Variants in KANSL3 observed in about 807,000 individuals in gnomAD.
KANSL3 encodes NSL complex protein NSL3.
In KANSL3, 16 loss-of-function variants were observed where a neutral mutation model predicts 89.2. That is an observed-to-expected ratio of 0.18 (90% CI 0.12 to 0.27). The LOEUF is 0.27. Among genes scored for constraint, KANSL3 ranks in the 10% least tolerant of loss-of-function variants. The probability of loss-of-function intolerance (pLI) is 1.00; values close to 1 mark genes in which losing one functional copy is unlikely to be tolerated. For synonymous variants in KANSL3, 385 were observed against 419.7 expected (o/e 0.92, Z 1.01); for missense variants, 879 against 1,110.6 (o/e 0.79, Z 2.96).
intron 15 of KANSL3, 131 bp from the exon 16 acceptor site, chr2:96,604,994 A>C (rs2067763653): frequency 1.4e-6 from 1 of 696,256 alleles, no homozygotes; most frequent in Non-Finnish European, 2.4e-6. Flanking sequence ...GAACTATGCT[A>C]GAGTAGGGAG....
At chr2:96,620,807 A>C (rs571506670) in intron 3 of KANSL3, among the ~76,000 whole-genome samples, 1 of 152,082 alleles carries the variant, frequency 6.6e-6, no homozygotes, top group African/African-American at 2.4e-5. Context: ...ATTCAAGACC[A>C]GTCTGTGCAA....
intron 5 of KANSL3, chr2:96,615,165 C>CAAAAAAAATAAA (rs2069777076): frequency 1.2e-5 from 1 of 83,044 alleles, no homozygotes; most frequent in African/African-American, 6.3e-5. Context: ...GAGACTGTCT[C>CAAAAAAAATAAA]AAAAAAAAAA....
chr2:96,607,549 G>A (rs1284244438), intron 14 of KANSL3, among the ~76,000 whole-genome samples: 1 of 152,160 alleles, frequency 6.6e-6, no homozygotes, highest in Non-Finnish European at 1.5e-5. Flanking sequence ...CTTGGCTCTG[G>A]CCACCACTCA....
downstream of KANSL3, among the ~76,000 whole-genome samples, chr2:96,590,216 T>G (rs2066263158): frequency 6.6e-6 from 1 of 151,638 alleles, no homozygotes. Context: ...CTGGCAGGAA[T>G]GCCGAGAAAA....
chr2:96,595,468 G>A lies in KANSL3; in HGVS notation c.*143C>T, dbSNP rs1202305696. On this transcript the variant is annotated 3_prime_UTR_variant, in exon 21 of 21. Transcript: ENST00000431828. ...CACCTAACCTAATGGTTTCTCTGAA[G>A]ACAGTTGGCGGAGAGGCAAAAATGA... 2.5e-5 allele frequency: 18 copies of A among 713,358 alleles called. No individual in the cohort carries two copies. The highest frequency in any genetic ancestry group is 3.9e-5 in the Non-Finnish European group (17 of 430,696). The allele number at this position is 713,358 out of a possible 1,614,324, so 44.2% of individuals were successfully genotyped here.
rs781660331 is a variant in KANSL3, at chr2:96,631,303, G to A, written c.386+9C>T. 1.9e-6 allele frequency: 3 copies of A among 1,589,674 alleles called. No individual in the cohort carries two copies. The highest frequency in any genetic ancestry group is 2.7e-5 in the African/African-American group (2 of 74,470). ...AGGGCAGTGATCATCCTCCTGATGA[G>A]CAGCCTACCTGTTGACATGCTCCTC... On this transcript the variant is annotated intron_variant, in intron 3 of 20. Coordinates refer to ENST00000431828, the MANE Select transcript of KANSL3 (RefSeq NM_001115016.3).
At chr2:96,630,467 T>C (rs2073181224) in intron 3 of KANSL3, among the ~76,000 whole-genome samples, 1 of 152,188 alleles carries the variant, frequency 6.6e-6, no homozygotes, top group African/African-American at 2.4e-5. Flanking sequence ...ATGTCCAGAA[T>C]AGGCAAATCT....
chr2:96,592,352 T>C (rs1440308907), downstream of KANSL3, among the ~76,000 whole-genome samples: 1 of 152,212 alleles, frequency 6.6e-6, no homozygotes, highest in Non-Finnish European at 1.5e-5. Context: ...TTCATTCATC[T>C]CTAAATCTTT....
intron 2 of KANSL3, among the ~76,000 whole-genome samples, chr2:96,633,266 T>A (rs1283204891): frequency 1.3e-5 from 2 of 149,668 alleles, no homozygotes; most frequent in East Asian, 2.0e-4. Flanking sequence ...AAAAAAAAAA[T>A]TTAAATAGAA....
At chr2:96,583,750 A>G in the KANSL3 span, among the ~76,000 whole-genome samples, 206 of 152,348 alleles carry the variant, frequency 1.4e-3, no homozygotes, top group Middle Eastern at 0.014. Flanking sequence ...TTGTGGACGT[A>G]AGTTATCATT....
chr2:96,586,900 A>C, the KANSL3 span, among the ~76,000 whole-genome samples: 4 of 152,218 alleles, frequency 2.6e-5, no homozygotes, highest in Non-Finnish European at 1.5e-5. Context: ...TTTATCCCAT[A>C]ATTACCTTGT....
chr2:96,612,961 A>T (rs1257254500), intron 6 of KANSL3, 27 bp from the exon 7 acceptor site: 10 of 1,447,408 alleles, frequency 6.9e-6, no homozygotes, highest in African/African-American at 1.4e-5. Flanking sequence ...CCACCCAAAA[A>T]CCAGTGAGTG....
intron 3 of KANSL3, among the ~76,000 whole-genome samples, chr2:96,620,271 A>G: frequency 6.6e-6 from 1 of 152,224 alleles, no homozygotes; most frequent in South Asian, 2.1e-4. Flanking sequence ...AATATAACCA[A>G]TAAAGAGGCT....
intron 9 of KANSL3, among the ~76,000 whole-genome samples, chr2:96,611,919 G>GTGTGTGTGTGTC (rs1035303750): frequency 6.7e-6 from 1 of 149,652 alleles, no homozygotes; most frequent in African/African-American, 2.5e-5. Context: ...GTGTGTGTGT[G>GTGTGTGTGTGTC]TGTGTGTGTG....
intron 9 of KANSL3, among the ~76,000 whole-genome samples, chr2:96,611,901 A>ATGTGTG (rs1491403979): frequency 2.4e-3 from 76 of 31,764 alleles, no homozygotes; most frequent in African/African-American, 0.015. Flanking sequence ...ATATATACCC[A>ATGTGTG]TATGTGTGTG....
intron 3 of KANSL3, chr2:96,628,782 A>T (rs888278429): frequency 6.6e-6 from 1 of 152,302 alleles, no homozygotes; most frequent in African/African-American, 2.4e-5. Context: ...AAAAAAAAAA[A>T]AATCACACAG....
chr2:96,619,426 A>G lies in KANSL3; in HGVS notation c.596T>C (p.Leu199Pro), dbSNP rs2070831080. The G allele has an allele frequency of 6.2e-7, 1 of 1,613,794 alleles. No individual in the cohort carries two copies. The highest frequency in any genetic ancestry group is 1.7e-5 in the Admixed American group (1 of 60,002). The change falls in exon 5 of 21, where the codon CTT becomes CCT. Residue 199 changes from leucine to proline, a missense_variant. Transcript: ENST00000431828. ...TKLIQWLHTT[L>P]VETLSLPMLA... ...CATGGGCAGACTCAAGGTCTCCACA[A>G]GGGTGGTGTGCAGCCACTGGATCAG...
intron 5 of KANSL3, among the ~76,000 whole-genome samples, chr2:96,615,971 T>C (rs1391389814): frequency 6.6e-6 from 1 of 152,152 alleles, no homozygotes; most frequent in Non-Finnish European, 1.5e-5. Context: ...AAGAGGCAAT[T>C]TTCATCTAAA....
intron 3 of KANSL3, among the ~76,000 whole-genome samples, chr2:96,623,263 AGCAAAGAGGAACACAG>A (rs2071645831): frequency 6.6e-6 from 1 of 152,234 alleles, no homozygotes; most frequent in African/African-American, 2.4e-5. Context: ...AATGCGGAGG[AGCAAAGAGGAACACAG>A]GCACATGATT....
Sources: gnomAD v4.1 joint callset for allele counts (sites outside exome capture counted in the v4.1 genomes callset) on GRCh38, gnomAD v4.1.1 for gene constraint, MANE v1.5 for transcripts, NCBI Gene and HGNC (gene_info 2026-07-23, HGNC 2026-07-21) for gene names.